EREG: variants seen among roughly 807,000 people sequenced by gnomAD.
EREG encodes the protein epiregulin.
EREG carries 23 observed loss-of-function variants against 22.4 expected under a neutral mutation model. That is an observed-to-expected ratio of 1.03 (90% confidence interval 0.74 to 1.46). The LOEUF (loss-of-function observed/expected upper bound fraction) is 1.46, where lower values mean the gene tolerates loss of function less well. EREG is among the 40% of genes most tolerant of loss of function. The pLI, the probability that EREG is intolerant of heterozygous loss-of-function variation, is 0.00. For missense variants in EREG, 226 were observed against 205.9 expected, an observed-to-expected ratio of 1.10 and a Z score of -0.60; for synonymous variants, 100 against 75.4, an observed-to-expected ratio of 1.33 and a Z score of -1.69.
chr4:74,379,304 C>A, intron 1 of EREG, 144 bp from the exon 2 acceptor site: 1 of 544,842 alleles, frequency 1.8e-6, no homozygotes, highest in Non-Finnish European at 3.4e-6. Flanking sequence ...ATGCCTGTTT[C>A]CATGAATTAT....
At chr4:74,382,468 G>T in intron 3 of EREG, 177 bp from the exon 4 acceptor site, 1 of 516,394 alleles carries the variant, frequency 1.9e-6, no homozygotes, top group South Asian at 3.5e-5. Flanking sequence ...CAAGAGCTAC[G>T]TGGAGCCCTT....
intron 1 of EREG, among the ~76,000 whole-genome samples, chr4:74,377,137 TG>T (rs964598955): frequency 6.7e-6 from 1 of 149,584 alleles, no homozygotes; most frequent in African/African-American, 2.5e-5. Flanking sequence ...GGAACATTTA[TG>T]GGCTGTGACA....
At chr4:74,370,080 C>T (rs1752264619) in intron 1 of EREG, among the ~76,000 whole-genome samples, 1 of 152,180 alleles carries the variant, frequency 6.6e-6, no homozygotes, top group African/African-American at 2.4e-5. Context: ...CGCTTGTATC[C>T]TTTACTGTCA....
chr4:74,367,174 A>G (rs1752200595), intron 1 of EREG, among the ~76,000 whole-genome samples: 1 of 152,242 alleles, frequency 6.6e-6, no homozygotes, highest in East Asian at 1.9e-4. Context: ...CTCCACCCTT[A>G]ACACATACAG....
chr4:74,367,424 CT>C (rs1390197083), intron 1 of EREG, among the ~76,000 whole-genome samples: 2 of 152,020 alleles, frequency 1.3e-5, no homozygotes, highest in African/African-American at 4.8e-5. Flanking sequence ...AGAATTTTGT[CT>C]TTTTTATCTT....
intron 3 of EREG, 29 bp from the exon 4 acceptor site, chr4:74,382,616 A>C (rs1752497060): frequency 1.3e-6 from 2 of 1,544,064 alleles, no homozygotes. Context: ...TAAGTAACTG[A>C]TCTTTCTTTC....
rs1752583669 is a variant in EREG at position 74,387,227 on chromosome 4, A to T, written c.*2419A>T. The T allele has an allele frequency of 6.6e-6, 1 of 152,090 alleles. No homozygotes were observed. Among genetic ancestry groups the T allele is most frequent in the Admixed American group, 6.6e-5 (1 of 15,250 alleles). The allele number at this position is 152,090 out of a possible 1,614,324, so 9.4% of individuals were successfully genotyped here. ...CGATTTTAGTATGTGCAGGGGGGCGATCTGGGAATCAGTCCCCTGTGGATA... is the reference window on the plus strand; with the variant it reads ...CGATTTTAGTATGTGCAGGGGGGCGTTCTGGGAATCAGTCCCCTGTGGATA... On this transcript the variant is annotated 3_prime_UTR_variant, in exon 5 of 5. Transcript: ENST00000244869.
Position 74,381,271 on chromosome 4 carries a change from T to C in EREG, c.278+134T>C, listed in dbSNP as rs548379544. On this transcript the variant is annotated intron_variant, in intron 3 of 4. Coordinates refer to ENST00000244869, the MANE Select transcript of EREG (RefSeq NM_001432.3). Reference sequence around the variant, plus strand: ...GCTTTTAGAGTACCTACCCCTCAAATAGTGTGCATGGAACCCATTAGGTAA... The same window carrying C: ...GCTTTTAGAGTACCTACCCCTCAAACAGTGTGCATGGAACCCATTAGGTAA... The C allele has an allele frequency of 5.5e-5, 39 of 714,004 alleles. No homozygotes were observed. The East Asian group carries it at 1.1e-3, about 20-fold the overall frequency. 44.2% of individuals were successfully genotyped at this position (714,004 alleles called of 1,614,324 possible).
Position 74,379,575 on chromosome 4 carries a change from A to G in EREG, c.154+41A>G, listed in dbSNP as rs1398315492. ...TCAATGTGGCATCAAGAGACTACAT[A>G]TTTTTAAACAGAAATATAAACTCAA... On this transcript the variant is annotated intron_variant, in intron 2 of 4. Coordinates refer to ENST00000244869, the MANE Select transcript of EREG (RefSeq NM_001432.3). 6 of 1,140,754 alleles carry G rather than the reference A, an allele frequency of 5.3e-6. No individual in the cohort carries two copies. The African/African-American group carries it at 7.6e-5, about 15-fold the overall frequency. The allele number at this position is 1,140,754 out of a possible 1,614,324, so 70.7% of individuals were successfully genotyped here.
rs1242983792 is a variant in EREG at position 74,385,954 on chromosome 4, A to G, written c.*1146A>G. On this transcript the variant is annotated 3_prime_UTR_variant, in exon 5 of 5. Coordinates refer to ENST00000244869, the MANE Select transcript of EREG (RefSeq NM_001432.3). Reference sequence around the variant, plus strand: ...TAATATGGTGTATTTTTCCAAATGAAAAATCTCAATTGAAAGCTTTTAAAA... The same window carrying G: ...TAATATGGTGTATTTTTCCAAATGAGAAATCTCAATTGAAAGCTTTTAAAA... The G allele has an allele frequency of 2.6e-6, 1 of 390,296 alleles. No individual in the cohort carries two copies. The highest frequency in any genetic ancestry group is 4.5e-6 in the Non-Finnish European group (1 of 220,614). The allele number at this position is 390,296 out of a possible 1,614,324, so 24.2% of individuals were successfully genotyped here. A position where few individuals can be genotyped will look rare whatever the true frequency, so the allele number is the denominator to read the frequency against.
intron 2 of EREG, among the ~76,000 whole-genome samples, chr4:74,380,022 T>C (rs77316519): frequency 0.035 from 5,343 of 152,302 alleles, 171 homozygotes; most frequent in African/African-American, 0.081. Flanking sequence ...CACCAAACGC[T>C]GTGCTAAGGC....
chr4:74,380,592 T>C (rs1159917835), intron 2 of EREG, among the ~76,000 whole-genome samples: 4 of 152,200 alleles, frequency 2.6e-5, no homozygotes, highest in African/African-American at 9.6e-5. Context: ...TAAGCTCCTT[T>C]GAATTAATTA....
rs1184503798 is a variant in EREG, at chr4:74,385,080, T to C, written c.*272T>C. On this transcript the variant is annotated 3_prime_UTR_variant, in exon 5 of 5. Coordinates refer to ENST00000244869, the MANE Select transcript of EREG (RefSeq NM_001432.3). The stretch of plus-strand genomic sequence containing the variant: ...GCTTCATTGAAAGCTTCAAAGTTTA[T>C]ATGCCTGGTGCACAGTGCTTAGAAG... 6.2e-6 allele frequency: 2 copies of C among 320,242 alleles called. No homozygotes were observed. Among genetic ancestry groups the C allele is most frequent in the South Asian group, 5.7e-5 (1 of 17,456 alleles). 19.8% of individuals were successfully genotyped at this position (320,242 alleles called of 1,614,324 possible).
chr4:74,375,523 G>A (rs1752366828), intron 1 of EREG, among the ~76,000 whole-genome samples: 1 of 149,612 alleles, frequency 6.7e-6, no homozygotes. Flanking sequence ...TAGAGACGGG[G>A]TTTTACCGTG....
rs987808897 is a variant in EREG, at chr4:74,386,520, A to T, written c.*1712A>T. The T allele has an allele frequency of 6.8e-4, 104 of 152,236 alleles. 1 individual carries two copies. Among genetic ancestry groups the T allele is most frequent in the African/African-American group, 2.4e-3 (100 of 41,464 alleles). The allele number at this position is 152,236 out of a possible 1,614,324, so 9.4% of individuals were successfully genotyped here. A position where few individuals can be genotyped will look rare whatever the true frequency, so the allele number is the denominator to read the frequency against. On this transcript the variant is annotated 3_prime_UTR_variant, in exon 5 of 5. Coordinates refer to ENST00000244869, the MANE Select transcript of EREG (RefSeq NM_001432.3). Reference sequence around the variant, plus strand: ...ATGTATGTATACATGACCTTAATGGATCATAGAATTGCAGTCATTTGGTGC... The same window carrying T: ...ATGTATGTATACATGACCTTAATGGTTCATAGAATTGCAGTCATTTGGTGC...
rs762809807 is a variant in EREG, at chr4:74,365,379, A to C, written c.67+4A>C. The C allele has an allele frequency of 9.3e-6, 15 of 1,611,960 alleles. No individual in the cohort carries two copies. The highest frequency in any genetic ancestry group is 1.3e-5 in the Non-Finnish European group (15 of 1,179,840). On this transcript the variant is annotated splice_donor_region_variant and intron_variant, in intron 1 of 4. Coordinates refer to ENST00000244869, the MANE Select transcript of EREG (RefSeq NM_001432.3). ...CCTGCGCTGCTGCTCTGCCTGGGTA[A>C]GTTCTCCCCCTCTGGCTTCCGGCCG...
chr4:74,379,140 C>T (rs1355972718), intron 1 of EREG, among the ~76,000 whole-genome samples: 1 of 152,206 alleles, frequency 6.6e-6, no homozygotes, highest in Admixed American at 6.5e-5. Flanking sequence ...AATTCTCCAA[C>T]TGATGTGCGT....
intron 1 of EREG, among the ~76,000 whole-genome samples, chr4:74,372,417 A>G (rs1752305969): frequency 6.6e-6 from 1 of 152,240 alleles, no homozygotes; most frequent in Non-Finnish European, 1.5e-5. Flanking sequence ...TACAGAGAAT[A>G]CAATATAGTC....
Position 74,386,144 on chromosome 4 carries a change from C to A in EREG, c.*1336C>A. The A allele has an allele frequency of 8.1e-6, 2 of 246,164 alleles. No homozygotes were observed. Among genetic ancestry groups the A allele is most frequent in the Non-Finnish European group, 1.5e-5 (2 of 130,008 alleles). The allele number at this position is 246,164 out of a possible 1,614,324, so 15.2% of individuals were successfully genotyped here. On this transcript the variant is annotated 3_prime_UTR_variant, in exon 5 of 5. Transcript: ENST00000244869. ...TATTTTTGGGCTATTGCATAAGGAG[C>A]CACTGCTGCCACCACTTTTGGATTT...
Sources: gnomAD v4.1 joint callset for allele counts (sites outside exome capture counted in the v4.1 genomes callset) on GRCh38, gnomAD v4.1.1 for gene constraint, MANE v1.5 for transcripts, NCBI Gene and HGNC (gene_info 2026-07-23, HGNC 2026-07-21) for gene names.